Variants in SENP7 observed in about 807,000 individuals in gnomAD.
SENP7 encodes sentrin-specific protease 7.
In SENP7, 64 loss-of-function variants were observed where a neutral mutation model predicts 141.2. The observed-to-expected ratio is 0.45, with a 90% CI of 0.37 to 0.56. SENP7 has a LOEUF of 0.56. SENP7 is among the 20% of genes least tolerant of loss of function. The pLI is 0.00. For synonymous variants in SENP7, 382 were observed against 426.4 expected (o/e 0.90, Z 1.28); for missense variants, 1,025 against 1,212.2 (o/e 0.85, Z 2.29).
chr3:101,371,260 GCCAC>G (rs2060173032), intron 7 of SENP7, among the ~76,000 whole-genome samples: 1 of 152,118 alleles, frequency 6.6e-6, no homozygotes, highest in Non-Finnish European at 1.5e-5. Context: ...GTGTGATCAT[GCCAC>G]TGTACACCAG....
chr3:101,339,111 C>T (rs547995159), intron 16 of SENP7, among the ~76,000 whole-genome samples: 4 of 152,058 alleles, frequency 2.6e-5, no homozygotes, highest in East Asian at 3.9e-4. Flanking sequence ...CAAAAAGAAA[C>T]ATGGAAGATA....
rs59458550 is a variant in SENP7 at position 101,349,696 on chromosome 3, A to T, written c.1658-1645T>A. Among the ~76,000 whole-genome samples, 1,008 of 152,280 alleles carry T rather than the reference A, an allele frequency of 6.6e-3. 6 individuals carry two copies. Among genetic ancestry groups the T allele is most frequent in the African/African-American group, 0.022 (911 of 41,574 alleles). On this transcript the variant is annotated intron_variant, in intron 12 of 23. Coordinates refer to ENST00000394095, the MANE Select transcript of SENP7 (RefSeq NM_020654.5). ...ACTTAAAGTATAATAATAATAATTT[A>T]AAAAAAGATTATCTTTTTAAAAAAA...
chr3:101,337,729 T>C lies in SENP7; in HGVS notation c.2358-98A>G, dbSNP rs538429984. The C allele has an allele frequency of 2.5e-5, 27 of 1,081,162 alleles. No individual in the cohort carries two copies. In the East Asian group the frequency reaches 7.7e-4, roughly 31 times the overall value. The allele number at this position is 1,081,162 out of a possible 1,614,324, so 67.0% of individuals were successfully genotyped here. ...GTTCTGGAAATCTTTATTTTTTATC[T>C]ATTTTGATTCAAAGCAATCTTGCAG... On this transcript the variant is annotated intron_variant, in intron 16 of 23. Coordinates refer to ENST00000394095, the MANE Select transcript of SENP7 (RefSeq NM_020654.5).
intron 6 of SENP7, among the ~76,000 whole-genome samples, chr3:101,372,945 T>A (rs557766404): frequency 6.6e-6 from 1 of 152,018 alleles, no homozygotes; most frequent in Non-Finnish European, 1.5e-5. Context: ...ATTTGAAGTA[T>A]TTCATAATTT....
chr3:101,499,527 C>T (rs2065288790), intron 2 of SENP7, among the ~76,000 whole-genome samples: 1 of 131,374 alleles, frequency 7.6e-6, no homozygotes, highest in African/African-American at 2.8e-5. Flanking sequence ...TGCCATCATG[C>T]CCAGCTAATT....
At chr3:101,394,426 T>C (rs2107557804) in intron 6 of SENP7, among the ~76,000 whole-genome samples, 1 of 152,342 alleles carries the variant, frequency 6.6e-6, no homozygotes, top group South Asian at 2.1e-4. Context: ...TGTATCTCTT[T>C]GGTATATTGA....
chr3:101,480,867 A>C (rs1039021611), intron 3 of SENP7, among the ~76,000 whole-genome samples: 5 of 152,234 alleles, frequency 3.3e-5, no homozygotes, highest in East Asian at 1.9e-4. Context: ...CAGGTACATG[A>C]AAAAATGCTC....
At chr3:101,411,209 C>T (rs1365013800) in intron 5 of SENP7, among the ~76,000 whole-genome samples, 1 of 152,122 alleles carries the variant, frequency 6.6e-6, no homozygotes, top group East Asian at 1.9e-4. Context: ...TAATTCCTGG[C>T]ACATAGTAAA....
At chr3:101,432,431 C>T (rs1037189885) in intron 4 of SENP7, among the ~76,000 whole-genome samples, 1 of 152,146 alleles carries the variant, frequency 6.6e-6, no homozygotes, top group Non-Finnish European at 1.5e-5. Context: ...GAGCCCTGGA[C>T]CCTTAAGCAA....
At chr3:101,506,220 A>T (rs2065604084) in intron 1 of SENP7, among the ~76,000 whole-genome samples, 1 of 151,770 alleles carries the variant, frequency 6.6e-6, no homozygotes, top group African/African-American at 2.4e-5. Context: ...GAGTTTCACC[A>T]TATTGGCCAG....
intron 4 of SENP7, among the ~76,000 whole-genome samples, chr3:101,455,516 G>C (rs948357670): frequency 6.6e-6 from 1 of 151,894 alleles, no homozygotes; most frequent in Non-Finnish European, 1.5e-5. Context: ...TAGTGGAGTA[G>C]GAAGAACAGC....
intron 20 of SENP7, among the ~76,000 whole-genome samples, chr3:101,329,110 G>T (rs1230097678): frequency 6.6e-6 from 1 of 152,104 alleles, no homozygotes; most frequent in Non-Finnish European, 1.5e-5. Flanking sequence ...AGGGAATTTT[G>T]TTTTGTTGAT....
chr3:101,374,672 G>A (rs955235212), intron 6 of SENP7, among the ~76,000 whole-genome samples: 3 of 151,474 alleles, frequency 2.0e-5, no homozygotes, highest in Non-Finnish European at 2.9e-5. Flanking sequence ...TAGCTACTCA[G>A]GAAGCTGAGG....
intron 11 of SENP7, chr3:101,358,371 A>AT (rs2059800850): frequency 3.7e-6 from 2 of 539,500 alleles, no homozygotes; most frequent in South Asian, 3.2e-5. Context: ...AATCTTTTAA[A>AT]TGTTCCTCAA....
intron 6 of SENP7, among the ~76,000 whole-genome samples, chr3:101,382,815 A>AG (rs1361562059): frequency 6.6e-6 from 1 of 152,196 alleles, no homozygotes; most frequent in Non-Finnish European, 1.5e-5. Flanking sequence ...GCCAAAACAC[A>AG]GGAATTAAAC....
chr3:101,425,816 C>A (rs1318616568), intron 4 of SENP7, among the ~76,000 whole-genome samples: 1 of 152,034 alleles, frequency 6.6e-6, no homozygotes, highest in African/African-American at 2.4e-5. Flanking sequence ...ACAAAGAAAC[C>A]AACTAACATG....
At chr3:101,362,881 C>T (rs1250885048) in intron 10 of SENP7, among the ~76,000 whole-genome samples, 1 of 152,134 alleles carries the variant, frequency 6.6e-6, no homozygotes, top group East Asian at 1.9e-4. Context: ...CAGGCAATAT[C>T]AGCAGCAACT....
chr3:101,480,369 G>A (rs930805450), intron 3 of SENP7, among the ~76,000 whole-genome samples: 8 of 151,988 alleles, frequency 5.3e-5, no homozygotes, highest in East Asian at 1.9e-4. Context: ...ATAAATCCAC[G>A]TATTTAAAGT....
chr3:101,386,771 C>T (rs1225725935), intron 6 of SENP7, among the ~76,000 whole-genome samples: 1 of 152,230 alleles, frequency 6.6e-6, no homozygotes, highest in Non-Finnish European at 1.5e-5. Context: ...CCTGCCTAGG[C>T]ACTAACAGCA....
Sources: gnomAD v4.1 joint callset for allele counts (sites outside exome capture counted in the v4.1 genomes callset) on GRCh38, gnomAD v4.1.1 for gene constraint, MANE v1.5 for transcripts, NCBI Gene and HGNC (gene_info 2026-07-23, HGNC 2026-07-21) for gene names.